AGBL1: variants seen among roughly 807,000 people sequenced by gnomAD.
AGBL1 encodes cytosolic carboxypeptidase 4.
A neutral mutation model predicts 118.9 loss-of-function variants in AGBL1; 130 were observed. The ratio of observed to expected loss-of-function variants is 1.09; its 90% CI spans 0.95 to 1.26. The LOEUF (loss-of-function observed/expected upper bound fraction) is 1.26. Ranked by LOEUF, AGBL1 falls within the 50% of genes most tolerant of loss-of-function variation. AGBL1 has a pLI of 0.00. For synonymous variants in AGBL1, 555 were observed against 478.9 expected (o/e 1.16, Z -2.08); for missense variants, 1,584 against 1,298.1 (o/e 1.22, Z -3.38).
intron 17 of AGBL1, among the ~76,000 whole-genome samples, chr15:86,383,435 A>G (rs550066105): frequency 2.0e-5 from 3 of 151,766 alleles, no homozygotes; most frequent in Admixed American, 1.3e-4. Context: ...TAAAAATGCA[A>G]AAATTAGTCG....
chr15:86,806,804 C>T (rs2078719889), intron 22 of AGBL1, among the ~76,000 whole-genome samples: 1 of 150,276 alleles, frequency 6.7e-6, no homozygotes, highest in Non-Finnish European at 1.5e-5. Context: ...ATGATGCTTA[C>T]TTGTACACTA....
chr15:86,801,353 C>CTATCTATG (rs1406429235), intron 22 of AGBL1, among the ~76,000 whole-genome samples: 2 of 149,538 alleles, frequency 1.3e-5, no homozygotes, highest in Non-Finnish European at 1.5e-5. Flanking sequence ...ATCTATCTAT[C>CTATCTATG]TATATTAAAG....
chr15:86,487,624 G>A (rs1799527078), intron 18 of AGBL1, among the ~76,000 whole-genome samples: 1 of 151,684 alleles, frequency 6.6e-6, no homozygotes, highest in African/African-American at 2.4e-5. Context: ...AAGCTCATTT[G>A]GCAAGGAGGC....
intron 18 of AGBL1, among the ~76,000 whole-genome samples, chr15:86,437,935 T>A (rs2082018191): frequency 6.6e-6 from 1 of 152,136 alleles, no homozygotes; most frequent in Admixed American, 6.5e-5. Flanking sequence ...AGACGGAGTC[T>A]CATTCTATTG....
intron 22 of AGBL1, among the ~76,000 whole-genome samples, chr15:86,735,558 T>G (rs2141223949): frequency 6.6e-6 from 1 of 151,886 alleles, no homozygotes. Flanking sequence ...TATTGCACAT[T>G]TTACTACTAC....
chr15:86,337,840 G>A (rs1567206008), intron 17 of AGBL1, among the ~76,000 whole-genome samples: 1 of 152,126 alleles, frequency 6.6e-6, no homozygotes, highest in Admixed American at 6.5e-5. Flanking sequence ...TGCACATCTT[G>A]CACATGTACC....
intron 18 of AGBL1, among the ~76,000 whole-genome samples, chr15:86,467,362 G>C (rs909423584): frequency 6.6e-6 from 1 of 152,220 alleles, no homozygotes; most frequent in Non-Finnish European, 1.5e-5. Context: ...TCAGACTGCT[G>C]TGCTGGCAGC....
intron 1 of AGBL1, among the ~76,000 whole-genome samples, chr15:86,081,813 TA>T (rs1213890332): frequency 6.6e-6 from 1 of 152,194 alleles, no homozygotes; most frequent in Admixed American, 6.5e-5. Context: ...AAGTTGGTAA[TA>T]GGGGTTCAGT....
At chr15:86,767,741 G>C (rs914613388) in intron 22 of AGBL1, among the ~76,000 whole-genome samples, 6 of 151,916 alleles carry the variant, frequency 3.9e-5, no homozygotes, top group Admixed American at 2.0e-4. Flanking sequence ...TAAGAACAGA[G>C]ATTTTAAAAG....
chr15:86,736,165 G>A (rs1385328738), intron 22 of AGBL1, among the ~76,000 whole-genome samples: 3 of 152,034 alleles, frequency 2.0e-5, no homozygotes, highest in South Asian at 2.1e-4. Context: ...GGCAGATCAC[G>A]AGGTCAGGAC....
At chr15:86,946,710 G>A (rs1390545168) in intron 23 of AGBL1, among the ~76,000 whole-genome samples, 1 of 151,824 alleles carries the variant, frequency 6.6e-6, no homozygotes, top group Non-Finnish European at 1.5e-5. Context: ...AGCCAGGCAT[G>A]GTGGCACATG....
intron 24 of AGBL1, among the ~76,000 whole-genome samples, chr15:87,007,932 T>A (rs2081521033): frequency 6.6e-6 from 1 of 152,208 alleles, no homozygotes; most frequent in Non-Finnish European, 1.5e-5. Flanking sequence ...TGAAACTGAA[T>A]CTCTGCAGCC....
intron 22 of AGBL1, among the ~76,000 whole-genome samples, chr15:86,719,646 C>A (rs1226881896): frequency 6.6e-6 from 1 of 152,098 alleles, no homozygotes; most frequent in Non-Finnish European, 1.5e-5. Context: ...CCCTCCCTTT[C>A]TTTGTTCCTT....
chr15:86,725,889 G>A (rs1405961190), intron 22 of AGBL1, among the ~76,000 whole-genome samples: 1 of 152,122 alleles, frequency 6.6e-6, no homozygotes, highest in Non-Finnish European at 1.5e-5. Flanking sequence ...TATGATTGGA[G>A]GAAGAATATA....
At chr15:86,717,815 C>T (rs913743282) in intron 22 of AGBL1, among the ~76,000 whole-genome samples, 7 of 152,196 alleles carry the variant, frequency 4.6e-5, no homozygotes, top group African/African-American at 1.4e-4. Flanking sequence ...CATGGTGGCT[C>T]ACGCCTGTAA....
intron 21 of AGBL1, among the ~76,000 whole-genome samples, chr15:86,623,098 A>G (rs2084837097): frequency 6.6e-6 from 1 of 152,212 alleles, no homozygotes; most frequent in Admixed American, 6.5e-5. Context: ...CTGTAAATAC[A>G]GATGAAGCTT....
intron 22 of AGBL1, among the ~76,000 whole-genome samples, chr15:86,857,667 C>T (rs1194138027): frequency 1.3e-5 from 2 of 152,164 alleles, no homozygotes; most frequent in African/African-American, 4.8e-5. Flanking sequence ...TTTTTATATA[C>T]TCATGTGACT....
chr15:86,545,967 C>T (rs2083574408), intron 19 of AGBL1, 35 bp from the exon 20 acceptor site: 2 of 1,601,552 alleles, frequency 1.2e-6, no homozygotes, highest in Non-Finnish European at 1.7e-6. Context: ...ATGACCTGAC[C>T]TGGTTTTATT....
At chr15:86,423,385 CA>C (rs2081819341) in intron 18 of AGBL1, among the ~76,000 whole-genome samples, 1 of 152,052 alleles carries the variant, frequency 6.6e-6, no homozygotes, top group South Asian at 2.1e-4. Context: ...ACCTTTCATG[CA>C]AAAAACTCTC....
Sources: allele counts gnomAD v4.1 joint callset (sites outside exome capture counted in the v4.1 genomes callset), GRCh38; gene constraint gnomAD v4.1.1; transcripts MANE v1.5; gene names NCBI Gene and HGNC (gene_info 2026-07-23, HGNC 2026-07-21).